The following GRIN2A variants were observed in gnomAD, a reference collection of about 807,000 sequenced individuals.
GRIN2A encodes glutamate receptor ionotropic, NMDA 2A.
A neutral mutation model predicts 113.4 loss-of-function variants in GRIN2A; 22 were observed. The ratio of observed to expected loss-of-function variants is 0.19; its 90% CI spans 0.14 to 0.28. The LOEUF (loss-of-function observed/expected upper bound fraction) is 0.28, where lower values mean the gene tolerates loss of function less well. Ranked by LOEUF, GRIN2A falls within the 10% of genes least tolerant of loss-of-function variation. GRIN2A has a pLI of 1.00. For synonymous variants in GRIN2A, 827 were observed against 738.4 expected (o/e 1.12, Z -1.94); for missense variants, 1,502 against 1,887.0 (o/e 0.80, Z 3.78).
At chr16:9,985,377 G>A (rs1011724952) in intron 2 of GRIN2A, among the ~76,000 whole-genome samples, 15 of 152,124 alleles carry the variant, frequency 9.9e-5, no homozygotes, top group African/African-American at 3.6e-4. Context: ...AAAATATCAA[G>A]GAGACATCTG....
At chr16:9,847,674 AAAT>A (rs2042799044) in intron 5 of GRIN2A, among the ~76,000 whole-genome samples, 1 of 148,702 alleles carries the variant, frequency 6.7e-6, no homozygotes, top group African/African-American at 2.5e-5. Context: ...TAACACATAA[AAAT>A]ATATGTTTTA....
At chr16:10,022,657 G>C (rs1693206972) in intron 2 of GRIN2A, among the ~76,000 whole-genome samples, 1 of 152,124 alleles carries the variant, frequency 6.6e-6, no homozygotes, top group South Asian at 2.1e-4. Context: ...TGAACACTTA[G>C]CACACAGTTG....
chr16:10,161,818 C>A (rs1255275078), intron 2 of GRIN2A, among the ~76,000 whole-genome samples: 2 of 152,112 alleles, frequency 1.3e-5, no homozygotes, highest in African/African-American at 4.8e-5. Context: ...TGGATTACAG[C>A]CCCTTCCTCC....
At chr16:10,039,338 C>G (rs982604520) in intron 2 of GRIN2A, among the ~76,000 whole-genome samples, 5 of 152,182 alleles carry the variant, frequency 3.3e-5, no homozygotes, top group Non-Finnish European at 5.9e-5. Flanking sequence ...CAGGGATGAA[C>G]TGCACTCCAA....
intron 2 of GRIN2A, among the ~76,000 whole-genome samples, chr16:10,042,913 G>A (rs78973850): frequency 0.015 from 2,345 of 152,258 alleles, 30 homozygotes; most frequent in Non-Finnish European, 0.027. Flanking sequence ...TAGAACAGAC[G>A]GAAGGGAAGA....
chr16:10,015,439 A>C (rs1402929090), intron 2 of GRIN2A, among the ~76,000 whole-genome samples: 1 of 152,068 alleles, frequency 6.6e-6, no homozygotes, highest in African/African-American at 2.4e-5. Flanking sequence ...TTGGAGACCT[A>C]CTTCCAGGTG....
intron 2 of GRIN2A, among the ~76,000 whole-genome samples, chr16:10,059,248 G>A (rs1596469317): frequency 6.6e-6 from 1 of 151,762 alleles, no homozygotes; most frequent in South Asian, 2.1e-4. Context: ...CATGGAAGCA[G>A]TGTATGCAGG....
At chr16:10,164,447 C>T (rs368712348) in intron 2 of GRIN2A, among the ~76,000 whole-genome samples, 5 of 152,214 alleles carry the variant, frequency 3.3e-5, no homozygotes, top group African/African-American at 4.8e-5. Flanking sequence ...CCATCCCTAC[C>T]GTTCCCCACA....
In GRIN2A at chr16:9,849,723, G is replaced by A. The variant is rs753496097; in HGVS notation, c.1328+33C>T. On this transcript the variant is annotated intron_variant, in intron 5 of 12. Coordinates refer to ENST00000330684, the MANE Select transcript of GRIN2A (RefSeq NM_001134407.3). ...GATCCATGCTATTTCAAAGGGTTGG[G>A]CACGTTCAGGTGACAGCATTCCTGC... 2.0e-6 allele frequency: 3 copies of A among 1,515,264 alleles called. No homozygotes were observed. The Admixed American group carries it at 5.0e-5, about 25-fold the overall frequency. 93.9% of individuals were successfully genotyped at this position (1,515,264 alleles called of 1,614,324 possible).
chr16:10,179,904 A>C (rs1348016419), intron 2 of GRIN2A, 94 bp downstream of exon 2: 11 of 913,660 alleles, frequency 1.2e-5, no homozygotes, highest in African/African-American at 1.7e-5. Flanking sequence ...ACTTCACATC[A>C]AGACAGATTC....
chr16:9,874,056 T>C (rs1306756372), intron 4 of GRIN2A, among the ~76,000 whole-genome samples: 2 of 152,128 alleles, frequency 1.3e-5, no homozygotes, highest in African/African-American at 4.8e-5. Context: ...TTCCCCAACT[T>C]TAGATTTTTT....
chr16:9,755,002 C>A lies in GRIN2A; in HGVS notation c.*8147G>T. The A allele has an allele frequency of 4.9e-6, 1 of 202,858 alleles. No individual in the cohort carries two copies. Among genetic ancestry groups the A allele is most frequent in the Non-Finnish European group, 1.0e-5 (1 of 98,814 alleles). 12.6% of individuals were successfully genotyped at this position (202,858 alleles called of 1,614,324 possible). ...TATTGGCTATGAGTTATGTTAATAT[C>A]CTATTGAAGGTTCATCTTAAATCTT... On this transcript the variant is annotated 3_prime_UTR_variant, in exon 13 of 13. Transcript: ENST00000330684.
At chr16:10,022,198 G>A (rs1248450085) in intron 2 of GRIN2A, among the ~76,000 whole-genome samples, 2 of 151,976 alleles carry the variant, frequency 1.3e-5, no homozygotes, top group South Asian at 2.1e-4. Flanking sequence ...TGTTGAATAA[G>A]TGAATACAAA....
chr16:10,039,808 G>GGGGAGAGAGAGAGAGAGAGA (rs1555469298), intron 2 of GRIN2A, among the ~76,000 whole-genome samples: 2 of 63,812 alleles, frequency 3.1e-5, no homozygotes, highest in African/African-American at 7.8e-5. Context: ...GGGAGGGGGG[G>GGGGAGAGAGAGAGAGAGAGA]GAGAAAGAGA....
chr16:10,065,541 T>G (rs1322761520), intron 2 of GRIN2A, among the ~76,000 whole-genome samples: 1 of 152,230 alleles, frequency 6.6e-6, no homozygotes, highest in Non-Finnish European at 1.5e-5. Flanking sequence ...CTGTGTGACT[T>G]CAGGCAAGTT....
At chr16:9,867,871 CT>C (rs1263961706) in intron 4 of GRIN2A, among the ~76,000 whole-genome samples, 1 of 152,126 alleles carries the variant, frequency 6.6e-6, no homozygotes, top group Non-Finnish European at 1.5e-5. Context: ...TATCACCTCT[CT>C]TGACAGCCCC....
rs547807007 is a variant in GRIN2A at position 10,022,109 on chromosome 16, G to A, written c.415-83558C>T. ...ATGTCTTTCCCTATCCCCTTCACCT[G>A]TGGAGGTTTTACTGTGATTATGAGG... On this transcript the variant is annotated intron_variant, in intron 2 of 12. Coordinates refer to ENST00000330684, the MANE Select transcript of GRIN2A (RefSeq NM_001134407.3). Among the ~76,000 whole-genome samples the A allele has an allele frequency of 5.3e-5, 8 of 149,740 alleles. No individual in the cohort carries two copies. In the East Asian group the frequency reaches 1.6e-3, roughly 30 times the overall value.
intron 2 of GRIN2A, chr16:10,112,572 G>C: frequency 2.6e-6 from 2 of 772,376 alleles, no homozygotes; most frequent in Non-Finnish European, 4.8e-6. Flanking sequence ...GCCCAGCGGC[G>C]AGTACTTCTT....
At position 9,773,719 on chromosome 16, in the gene GRIN2A, G is replaced by A. The variant is rs116453121; in HGVS notation, c.2357-4630C>T. 3.5e-3 allele frequency among the ~76,000 whole-genome samples: 530 copies of A among 152,266 alleles called. 1 individual carries two copies. The highest frequency in any genetic ancestry group is 0.011 in the African/African-American group (442 of 41,562). On this transcript the variant is annotated intron_variant, in intron 11 of 12. Coordinates refer to ENST00000330684, the MANE Select transcript of GRIN2A (RefSeq NM_001134407.3). ...ATGCACATTTGCAGAACTTCTTTGCGCCCATGGGAACTTGCACCTGTTCTT... is the reference window on the plus strand; with the variant it reads ...ATGCACATTTGCAGAACTTCTTTGCACCCATGGGAACTTGCACCTGTTCTT...
Sources: gnomAD v4.1 joint callset for allele counts (sites outside exome capture counted in the v4.1 genomes callset) on GRCh38, gnomAD v4.1.1 for gene constraint, MANE v1.5 for transcripts, NCBI Gene and HGNC (gene_info 2026-07-23, HGNC 2026-07-21) for gene names.